NUP210L: variants seen among roughly 807,000 people sequenced by gnomAD.
NUP210L encodes nucleoporin 210 like.
In NUP210L, 74 loss-of-function variants were observed where a neutral mutation model predicts 208.5. The ratio of observed to expected loss-of-function variants is 0.35; its 90% CI spans 0.29 to 0.43. The LOEUF is 0.43. NUP210L is among the 20% of genes least tolerant of loss of function. The pLI is 1.00. For missense variants in NUP210L, 1,843 were observed against 2,289.4 expected (o/e 0.81, Z 3.98); for synonymous variants, 780 against 816.9 (o/e 0.95, Z 0.77).
intron 2 of NUP210L, among the ~76,000 whole-genome samples, chr1:154,151,594 AG>A (rs1426569280): frequency 1.3e-5 from 2 of 152,180 alleles, no homozygotes; most frequent in African/African-American, 4.8e-5. Flanking sequence ...AAACAAAAAT[AG>A]ATTAGTTCTA....
intron 30 of NUP210L, among the ~76,000 whole-genome samples, chr1:154,024,021 C>G (rs780222703): frequency 6.6e-6 from 1 of 151,600 alleles, no homozygotes; most frequent in South Asian, 2.1e-4. Flanking sequence ...GAACTCCTGA[C>G]CTCGTGATCC....
chr1:154,061,084 C>T (rs775012152), intron 18 of NUP210L, 38 bp from the exon 19 acceptor site: 1 of 1,464,406 alleles, frequency 6.8e-7, no homozygotes, highest in South Asian at 1.1e-5. Flanking sequence ...TGAATATAAA[C>T]ATCTAATTCT....
At chr1:154,025,479 G>T in intron 30 of NUP210L, 63 bp downstream of exon 30, 1 of 1,140,768 alleles carries the variant, frequency 8.8e-7, no homozygotes. Context: ...AAGAAACTCT[G>T]CTTTTTAAGG....
intron 37 of NUP210L, among the ~76,000 whole-genome samples, chr1:154,000,608 G>A (rs1170460755): frequency 1.3e-5 from 2 of 152,204 alleles, no homozygotes; most frequent in Non-Finnish European, 2.9e-5. Context: ...TGTATACGGT[G>A]TGAACATGCT....
intron 17 of NUP210L, among the ~76,000 whole-genome samples, chr1:154,065,892 C>CAAAAAAAAAA (rs58053478): frequency 2.0e-4 from 12 of 61,112 alleles, no homozygotes; most frequent in Admixed American, 4.5e-4. Context: ...GACTCTGTCT[C>CAAAAAAAAAA]AAAAAAAAAA....
rs528573615 is a variant in NUP210L at position 154,116,921 on chromosome 1, C to T, written c.1620+804G>A. Among the ~76,000 whole-genome samples, 26 of 152,086 alleles carry T rather than the reference C, an allele frequency of 1.7e-4. No individual in the cohort carries two copies. The South Asian group carries it at 3.5e-3, about 21-fold the overall frequency. ...ACGTTAATTAAATATTAAATATATG[C>T]CAAGCACTGGAGTAAACACTATCTC... On this transcript the variant is annotated intron_variant, in intron 12 of 39. Transcript: ENST00000368559.
At chr1:154,139,908 A>G (rs1658749092) in exon 5 of NUP210L, 2 of 1,610,154 alleles carry the variant, frequency 1.2e-6, no homozygotes, top group Admixed American at 1.7e-5. Flanking sequence ...CATCTCAGCT[A>G]TATATATTGG....
chr1:154,104,205 A>T, exon 13 of NUP210L: 1 of 1,613,418 alleles, frequency 6.2e-7, no homozygotes, highest in South Asian at 1.1e-5. Flanking sequence ...GTTTCAGGAC[A>T]TGTATCTGGA....
At chr1:154,014,532 A>T (rs970544037) in intron 33 of NUP210L, among the ~76,000 whole-genome samples, 7 of 152,002 alleles carry the variant, frequency 4.6e-5, no homozygotes, top group Admixed American at 2.0e-4. Flanking sequence ...ACCCTTATTA[A>T]TTTTGTATTG....
At chr1:154,035,725 T>C (rs1652498263) in intron 27 of NUP210L, among the ~76,000 whole-genome samples, 2 of 151,516 alleles carry the variant, frequency 1.3e-5, no homozygotes, top group South Asian at 4.2e-4. Context: ...TGGTATCAAC[T>C]TTTTTCTTTC....
intron 34 of NUP210L, among the ~76,000 whole-genome samples, chr1:154,011,830 GCA>G (rs1292941949): frequency 6.6e-6 from 1 of 151,552 alleles, no homozygotes; most frequent in Non-Finnish European, 1.5e-5. Context: ...TGGGATACAG[GCA>G]CACGCCACCA....
At position 154,000,817 on chromosome 1, in the gene NUP210L, T is replaced by C. The variant is rs767784202; in HGVS notation, c.5386+39A>G. 14 of 1,563,230 alleles carry C rather than the reference T, an allele frequency of 9.0e-6. No individual in the cohort carries two copies. The Admixed American group carries it at 1.7e-4, about 19-fold the overall frequency. ...CTAATGTAATACATTCTTTCTTCTT[T>C]TCCTCTCTAGATTATAAATAGGAAT... is the stretch of plus-strand genomic sequence containing the variant. On this transcript the variant is annotated intron_variant, in intron 37 of 39. Transcript: ENST00000368559.
intron 9 of NUP210L, among the ~76,000 whole-genome samples, chr1:154,126,983 T>C (rs1305579979): frequency 6.6e-6 from 1 of 152,064 alleles, no homozygotes; most frequent in African/African-American, 2.4e-5. Flanking sequence ...CTGGGCATGG[T>C]TGCTTATGCC....
chr1:154,144,389 T>C (rs532204126), intron 2 of NUP210L, among the ~76,000 whole-genome samples: 1 of 152,282 alleles, frequency 6.6e-6, no homozygotes, highest in South Asian at 2.1e-4. Context: ...TCAATAAACT[T>C]TTCTGTCTCT....
At chr1:154,067,678 T>G (rs367703647) in intron 17 of NUP210L, among the ~76,000 whole-genome samples, 2 of 152,148 alleles carry the variant, frequency 1.3e-5, no homozygotes, top group East Asian at 3.8e-4. Context: ...GATGACATGA[T>G]TGTATATTTA....
intron 1 of NUP210L, among the ~76,000 whole-genome samples, chr1:154,153,489 TAG>T (rs1422847147): frequency 6.6e-6 from 1 of 152,128 alleles, no homozygotes; most frequent in African/African-American, 2.4e-5. Flanking sequence ...TTTGTATTTT[TAG>T]TAGGGATGGG....
intron 12 of NUP210L, among the ~76,000 whole-genome samples, chr1:154,111,414 TAATA>T (rs1016448914): frequency 6.7e-6 from 1 of 150,244 alleles, no homozygotes; most frequent in Non-Finnish European, 1.5e-5. Context: ...AATATATAAA[TAATA>T]AATAATAAAA....
intron 4 of NUP210L, among the ~76,000 whole-genome samples, chr1:154,140,603 G>A (rs962981229): frequency 4.0e-5 from 6 of 149,950 alleles, no homozygotes; most frequent in African/African-American, 1.5e-4. Flanking sequence ...GGAGGTGGAG[G>A]CTGTAGTGAG....
chr1:154,010,256 C>A (rs1182362622), intron 34 of NUP210L, 135 bp from the exon 35 acceptor site: 13 of 701,076 alleles, frequency 1.9e-5, no homozygotes, highest in Non-Finnish European at 2.8e-5. Flanking sequence ...GGTTTGCCCA[C>A]CTCTGCTTCA....
Sources: allele counts gnomAD v4.1 joint callset (sites outside exome capture counted in the v4.1 genomes callset), GRCh38; gene constraint gnomAD v4.1.1; transcripts MANE v1.5; gene names NCBI Gene and HGNC (gene_info 2026-07-23, HGNC 2026-07-21).